Variants in PSMA7 observed in about 807,000 individuals in gnomAD.
PSMA7 encodes the protein proteasome 20S subunit alpha 7.
Under a neutral mutation model 31.3 loss-of-function variants are expected in PSMA7, and 5 were observed. That is an observed-to-expected ratio of 0.16 (90% CI 0.08 to 0.34). The LOEUF is 0.34. Ranked by LOEUF, PSMA7 falls within the 10% of genes least tolerant of loss-of-function variation. The pLI, the probability that PSMA7 is intolerant of heterozygous loss-of-function variation, is 1.00. For synonymous variants in PSMA7, 155 were observed against 121.9 expected (o/e 1.27, Z -1.79); for missense variants, 217 against 327.5 (o/e 0.66, Z 2.60).
rs757953252 is a variant in PSMA7 at position 62,143,331 on chromosome 20, C to A, written c.-28G>T. ...CGGCGGGCGGCGGCCGGGCTCCTTC[C>A]GCCGCGACTCTCAAAAGCGCACACT... On this transcript the variant is annotated 5_prime_UTR_variant, in exon 1 of 7. Coordinates refer to ENST00000370873, the MANE Select transcript of PSMA7 (RefSeq NM_002792.4). 5.9e-6 allele frequency: 8 copies of A among 1,346,540 alleles called. No homozygotes were observed. Among genetic ancestry groups the A allele is most frequent in the Non-Finnish European group, 6.8e-6 (7 of 1,026,620 alleles). 83.4% of individuals were successfully genotyped at this position (1,346,540 alleles called of 1,614,324 possible).
chr20:62,141,396 CCT>C (rs1360389085), intron 1 of PSMA7, among the ~76,000 whole-genome samples: 1 of 152,210 alleles, frequency 6.6e-6, no homozygotes, highest in Non-Finnish European at 1.5e-5. Context: ...CACCCACACC[CCT>C]TTCTCCTCTA....
At chr20:62,139,266 A>C (rs1475731028) in intron 3 of PSMA7, 69 bp from the exon 4 acceptor site, 25 of 1,561,308 alleles carry the variant, frequency 1.6e-5, no homozygotes, top group Non-Finnish European at 2.6e-6. Flanking sequence ...AACCGTACTT[A>C]GTGAAGATAC....
At chr20:62,138,445 C>T (rs772194217) in intron 4 of PSMA7, among the ~76,000 whole-genome samples, 155 bp from the exon 5 acceptor site, 1 of 152,076 alleles carries the variant, frequency 6.6e-6, no homozygotes, top group Admixed American at 6.5e-5. Context: ...GGCCCTGCCT[C>T]GTGGCTTCCT....
chr20:62,141,087 G>A (rs562743617), intron 1 of PSMA7, 143 bp from the exon 2 acceptor site: 2 of 1,063,820 alleles, frequency 1.9e-6, no homozygotes, highest in Non-Finnish European at 2.7e-6. Context: ...CGGACAACAT[G>A]GGAAAACCCT....
intron 1 of PSMA7, 153 bp downstream of exon 1, chr20:62,143,055 G>A (rs1202322733): frequency 8.9e-6 from 2 of 224,740 alleles, no homozygotes; most frequent in Non-Finnish European, 1.5e-5. Context: ...CGGCAGCGGG[G>A]CCCGCGCTCA....
chr20:62,143,168 C>T, intron 1 of PSMA7, 40 bp downstream of exon 1: 2 of 1,308,168 alleles, frequency 1.5e-6, no homozygotes, highest in South Asian at 1.4e-5. Context: ...GCCCCACTTC[C>T]GCCCGCGTCC....
intron 1 of PSMA7, 75 bp from the exon 2 acceptor site, chr20:62,141,019 C>G: frequency 6.4e-7 from 1 of 1,573,494 alleles, no homozygotes; most frequent in African/African-American, 1.3e-5. Context: ...CTGTTAATTC[C>G]AGCACTTTGG....
intron 5 of PSMA7, among the ~76,000 whole-genome samples, chr20:62,137,721 C>T (rs767631134): frequency 4.6e-5 from 7 of 152,330 alleles, no homozygotes; most frequent in Non-Finnish European, 1.0e-4. Flanking sequence ...CTGATGCCTA[C>T]GCTCCCGCCT....
Position 62,138,225 on chromosome 20 carries a change from T to A in PSMA7, c.537A>T (p.Glu179Asp). 6.2e-7 allele frequency: 1 copy of A among 1,614,242 alleles called. No individual in the cohort carries two copies. The highest frequency in any genetic ancestry group is 1.1e-5 in the South Asian group (1 of 91,090). ...REFLEKNYTDEAIETDDLTIK... is the reference protein window; with the variant it reads ...REFLEKNYTDDAIETDDLTIK... ...TGGTCAGATCATCTGTTTCAATGGC[T>A]TCGTCAGTATAGTTCTTCTCCAGGA... Residue 179 changes from glutamate (E) to aspartate (D), a missense_variant, in exon 5 of 7, where the codon GAA (glutamate) becomes GAT (aspartate). This residue lies in a region of PSMA7 where 88 missense variants were observed against 111.6 expected (regional missense o/e 0.79). Coordinates refer to ENST00000370873, the MANE Select transcript of PSMA7 (RefSeq NM_002792.4).
At chr20:62,136,991 G>A (rs772766060) in intron 6 of PSMA7, 42 bp from the exon 7 acceptor site, 20 of 1,586,780 alleles carry the variant, frequency 1.3e-5, no homozygotes, top group Non-Finnish European at 1.7e-5. Context: ...CACACAAGGT[G>A]CCAAGGAACC....
At position 62,136,875 on chromosome 20, in the gene PSMA7, TTTC is replaced by T. The variant is rs754219689; in HGVS notation, c.726_728del (p.Lys243del). 8.8e-6 allele frequency: 14 copies of T among 1,599,188 alleles called. No individual in the cohort carries two copies. Among genetic ancestry groups the T allele is most frequent in the Non-Finnish European group, 1.2e-5 (14 of 1,175,094 alleles). ...TTATTCATCATGATGCTTTCTTTTGTTTCTTCTTTTCGTTTTCTTCTTTTTCTT... is the reference window on the plus strand; with the variant it reads ...TTATTCATCATGATGCTTTCTTTTGTTTCTTTTCGTTTTCTTCTTTTTCTT... On this transcript the variant is annotated inframe_deletion, in exon 7 of 7. Coordinates refer to ENST00000370873, the MANE Select transcript of PSMA7 (RefSeq NM_002792.4).
intron 1 of PSMA7, chr20:62,142,737 G>C (rs1448857216): frequency 6.6e-6 from 1 of 152,412 alleles, no homozygotes; most frequent in African/African-American, 2.4e-5. Flanking sequence ...GAGCGGGTGG[G>C]GGTCCCCATA....
In PSMA7 at chr20:62,136,800, G is replaced by A. The variant is rs773549942; in HGVS notation, c.*57C>T. ...AATGGAATGGAAAGGCCTACACATC[G>A]AGACTCATCCATGATTGATATGAAT... On this transcript the variant is annotated 3_prime_UTR_variant, in exon 7 of 7. Coordinates refer to ENST00000370873, the MANE Select transcript of PSMA7 (RefSeq NM_002792.4). 1.7e-4 allele frequency: 265 copies of A among 1,556,730 alleles called. 1 individual carries two copies. The highest frequency in any genetic ancestry group is 8.9e-4 in the South Asian group (74 of 83,420).
In PSMA7 at chr20:62,138,177, G is replaced by C. The variant is rs530642308; in HGVS notation, c.585C>G (p.Leu195=). The C allele has an allele frequency of 6.2e-7, 1 of 1,614,168 alleles. No homozygotes were observed. Among genetic ancestry groups the C allele is most frequent in the African/African-American group, 1.3e-5 (1 of 75,048 alleles). The change falls in exon 5 of 7, where the codon CTC becomes CTG. Residue 195 remains leucine (L), a synonymous_variant. Transcript: ENST00000370873. ...ATTCCAAATGCAAACTTACTTCCAGGAGTGCCTTGATCACCAGCTTAATGG... is the reference window on the plus strand; with the variant it reads ...ATTCCAAATGCAAACTTACTTCCAGCAGTGCCTTGATCACCAGCTTAATGG... ...DLTIKLVIKA[L]LEVVQSGGKN... is the part of the protein sequence containing the mutation.
At chr20:62,141,701 T>G (rs954149816) in intron 1 of PSMA7, among the ~76,000 whole-genome samples, 2 of 152,344 alleles carry the variant, frequency 1.3e-5, no homozygotes, top group East Asian at 1.9e-4. Context: ...TGAGCCACAA[T>G]GCACTGTTTC....
intron 4 of PSMA7, among the ~76,000 whole-genome samples, chr20:62,138,648 G>A (rs566011505): frequency 4.7e-5 from 7 of 149,988 alleles, no homozygotes; most frequent in Admixed American, 4.0e-4. Context: ...TATGCCTCTC[G>A]GGTTCAAGCG....
At chr20:62,142,000 G>C (rs1445239379) in intron 1 of PSMA7, among the ~76,000 whole-genome samples, 1 of 152,242 alleles carries the variant, frequency 6.6e-6, no homozygotes, top group Non-Finnish European at 1.5e-5. Context: ...CTGAGCACGG[G>C]TGGGATATTG....
intron 6 of PSMA7, 40 bp downstream of exon 6, chr20:62,137,324 A>C (rs2056901482): frequency 2.5e-6 from 4 of 1,598,720 alleles, no homozygotes; most frequent in Non-Finnish European, 3.4e-6. Flanking sequence ...TCATGGGAGA[A>C]AACTGACAGG....
chr20:62,138,833 C>G (rs2056910432), intron 4 of PSMA7, among the ~76,000 whole-genome samples: 1 of 152,200 alleles, frequency 6.6e-6, no homozygotes, highest in South Asian at 2.1e-4. Flanking sequence ...GCTGGGATTA[C>G]AGGCGTGAGT....
Sources: allele counts gnomAD v4.1 joint callset (sites outside exome capture counted in the v4.1 genomes callset), GRCh38; gene constraint gnomAD v4.1.1; regional missense constraint gnomAD v4.1.1; transcripts MANE v1.5; gene names NCBI Gene and HGNC (gene_info 2026-07-23, HGNC 2026-07-21).